ALDH1A3: variants seen among roughly 807,000 people sequenced by gnomAD.
The protein encoded by ALDH1A3 is aldehyde dehydrogenase 1 family member A3, also known as retinaldehyde dehydrogenase 3.
Under a neutral mutation model 57.5 loss-of-function variants are expected in ALDH1A3, and 28 were observed. The ratio of observed to expected loss-of-function variants is 0.49; its 90% CI spans 0.36 to 0.67. The LOEUF (loss-of-function observed/expected upper bound fraction) is 0.67. Ranked by LOEUF, ALDH1A3 falls within the 30% of genes least tolerant of loss-of-function variation. The pLI is 0.00. For missense variants in ALDH1A3, 507 were observed against 669.4 expected (o/e 0.76, Z 2.68); for synonymous variants, 281 against 264.8 (o/e 1.06, Z -0.59).
rs1016363724 is a variant in ALDH1A3 at position 100,905,557 on chromosome 15, T to C, written c.1103T>C (p.Leu368Pro). ...DQKQFDKILELIESGKKEGAK... is the reference protein window; with the variant it reads ...DQKQFDKILEPIESGKKEGAK... The stretch of plus-strand genomic sequence containing the variant: ...AAGCAGTTCGACAAAATCTTAGAGC[T>C]GATCGAGAGTGGGAAGAAGGAAGGG... The change falls in exon 10 of 13, where the codon CTG (leucine) becomes CCG (proline). Residue 368 changes from leucine to proline, a missense_variant. Leu to Pro is a moderately conservative substitution (Grantham distance 98). This residue lies in a region of ALDH1A3 where 432 missense variants were observed against 608.4 expected (regional missense o/e 0.71). Transcript: ENST00000329841. The C allele has an allele frequency of 6.2e-7, 1 of 1,614,006 alleles. No homozygotes were observed. The highest frequency in any genetic ancestry group is 1.3e-5 in the African/African-American group (1 of 74,908).
intron 3 of ALDH1A3, chr15:100,892,139 C>G (rs2041656312): frequency 4.5e-6 from 1 of 224,376 alleles, no homozygotes; most frequent in Non-Finnish European, 8.7e-6. Context: ...CACAAGCACA[C>G]ACGACTGGCC....
chr15:100,900,702 T>A lies in ALDH1A3; in HGVS notation c.1011T>A (p.Tyr337Ter). 1 of 1,614,078 alleles carries A rather than the reference T, an allele frequency of 6.2e-7. No homozygotes were observed. Among genetic ancestry groups the A allele is most frequent in the South Asian group, 1.1e-5 (1 of 91,066 alleles). ...YSEFVRRSVEYAKKRPVGDPF... is the reference protein window; with the variant it reads ...YSEFVRRSVE Reference sequence around the variant, plus strand: ...AGTTTGTCAGGCGGAGCGTGGAGTATGCCAAGAAACGGCCCGTGGGAGACC... The same window carrying A: ...AGTTTGTCAGGCGGAGCGTGGAGTAAGCCAAGAAACGGCCCGTGGGAGACC... The change falls in exon 9 of 13, where the codon TAT becomes TAA. Residue 337 changes from tyrosine to a stop codon, truncating the protein, a stop_gained. Coordinates refer to ENST00000329841, the MANE Select transcript of ALDH1A3 (RefSeq NM_000693.4). LOFTEE classifies it high-confidence loss of function.
intron 12 of ALDH1A3, chr15:100,914,500 T>A: frequency 2.0e-6 from 1 of 507,126 alleles, no homozygotes; most frequent in Non-Finnish European, 3.6e-6. Context: ...GACCTTGATA[T>A]TTACATTTAA....
At chr15:100,883,220 T>G (rs1304063826) in intron 1 of ALDH1A3, among the ~76,000 whole-genome samples, 2 of 152,148 alleles carry the variant, frequency 1.3e-5, no homozygotes, top group Admixed American at 1.3e-4. Context: ...ACTGACAGTC[T>G]CTATTATCTA....
intron 9 of ALDH1A3, 100 bp downstream of exon 9, chr15:100,900,859 T>A: frequency 7.7e-7 from 1 of 1,303,150 alleles, no homozygotes; most frequent in Admixed American, 2.2e-5. Context: ...GTGAAAGGAA[T>A]GCTGACCTGT....
chr15:100,901,665 G>A (rs567858553), intron 9 of ALDH1A3, among the ~76,000 whole-genome samples: 2 of 152,316 alleles, frequency 1.3e-5, no homozygotes. Flanking sequence ...TGAATATTAT[G>A]AGAATTTCAT....
chr15:100,913,654 A>T (rs568375956), intron 12 of ALDH1A3: 15 of 152,354 alleles, frequency 9.8e-5, no homozygotes, highest in Admixed American at 7.8e-4. Context: ...AGCCCAACAT[A>T]TTCACAGGTT....
Position 100,889,729 on chromosome 15 carries a change from A to G in ALDH1A3, c.345+2017A>G, listed in dbSNP as rs2041630586. Among the ~76,000 whole-genome samples the G allele has an allele frequency of 6.6e-6, 1 of 152,134 alleles. No individual in the cohort carries two copies. The highest frequency in any genetic ancestry group is 1.5e-5 in the Non-Finnish European group (1 of 68,018). On this transcript the variant is annotated intron_variant, in intron 3 of 12. Transcript: ENST00000329841. The surrounding 1 kb of genome is among the most constrained non-coding windows in gnomAD (Gnocchi z 5.1). ...CAGGCTGCCCCATTGTCCTGGCACG[A>G]CTGTGTTTTGATAGCAGACAGCTTT...
At chr15:100,901,452 C>T (rs911371139) in intron 9 of ALDH1A3, among the ~76,000 whole-genome samples, 3 of 152,170 alleles carry the variant, frequency 2.0e-5, no homozygotes, top group African/African-American at 7.2e-5. Context: ...CCTGCCCCAG[C>T]CATGAAATTT....
At chr15:100,880,247 GCGCCCGCGCGGGGCCGGGC>G (rs2041533196) in intron 1 of ALDH1A3, 3 of 390,814 alleles carry the variant, frequency 7.7e-6, no homozygotes, top group African/African-American at 2.1e-5. Flanking sequence ...AGGCCGTCCA[GCGCCCGCGCGGGGCCGGGC>G]CGCCCGCATC....
intron 3 of ALDH1A3, chr15:100,888,510 A>C (rs2041619001): frequency 6.6e-6 from 1 of 152,216 alleles, no homozygotes; most frequent in African/African-American, 2.4e-5. Flanking sequence ...ACTTACCAAA[A>C]TAAATGCCAC....
chr15:100,888,082 C>G lies in ALDH1A3; in HGVS notation c.345+370C>G, dbSNP rs148808594. Among the ~76,000 whole-genome samples the G allele has an allele frequency of 1.7e-3, 253 of 152,144 alleles. 2 individuals carry two copies. The highest frequency in any genetic ancestry group is 5.8e-3 in the African/African-American group (241 of 41,508). On this transcript the variant is annotated intron_variant, in intron 3 of 12. Coordinates refer to ENST00000329841, the MANE Select transcript of ALDH1A3 (RefSeq NM_000693.4). ...TTAACTTTTTTCTTTTTTGTATAAA[C>G]TTCCTTTTATTTATTTTATTTTATT...
intron 1 of ALDH1A3, among the ~76,000 whole-genome samples, chr15:100,884,657 C>T (rs1444033375): frequency 1.3e-5 from 2 of 150,704 alleles, no homozygotes; most frequent in South Asian, 2.1e-4. Flanking sequence ...GGTAAACATG[C>T]GCCATGGTGG....
intron 3 of ALDH1A3, chr15:100,888,405 A>T (rs1000337993): frequency 2.0e-5 from 3 of 152,218 alleles, no homozygotes. Context: ...CACTGCACCC[A>T]GCCTTAACTC....
At chr15:100,892,455 C>T (rs1229686246) in intron 3 of ALDH1A3, 55 bp from the exon 4 acceptor site, 2 of 1,607,944 alleles carry the variant, frequency 1.2e-6, no homozygotes, top group Non-Finnish European at 8.5e-7. Flanking sequence ...AACAACCTGA[C>T]AGTGCAAAAG....
rs539953788 is a variant in ALDH1A3, at chr15:100,914,666, C to A, written c.1467-35C>A. On this transcript the variant is annotated intron_variant, in intron 12 of 12. Coordinates refer to ENST00000329841, the MANE Select transcript of ALDH1A3 (RefSeq NM_000693.4). The stretch of plus-strand genomic sequence containing the variant: ...TTCTACACAATGGCTAAGGGATGTA[C>A]CCATTTTGAATTTTCCTCTTTTCTG... 1.1e-5 allele frequency: 17 copies of A among 1,593,438 alleles called. No individual in the cohort carries two copies. The East Asian group carries it at 3.6e-4, about 33-fold the overall frequency.
Position 100,905,645 on chromosome 15 carries a change from C to T in ALDH1A3, c.1191C>T (p.Val397=). The change falls in exon 10 of 13, where the codon GTC becomes GTT. Residue 397 remains valine, a synonymous_variant. Coordinates refer to ENST00000329841, the MANE Select transcript of ALDH1A3 (RefSeq NM_000693.4). ...EDKGLFIKPT[V]FSEVTDNMRI... ...AGGGGCTCTTCATCAAACCCACTGTCTTCTCAGAAGTCACAGACAACATGC... is the reference window on the plus strand; with the variant it reads ...AGGGGCTCTTCATCAAACCCACTGTTTTCTCAGAAGTCACAGACAACATGC... 6.2e-7 allele frequency: 1 copy of T among 1,608,696 alleles called. No homozygotes were observed. The highest frequency in any genetic ancestry group is 8.5e-7 in the Non-Finnish European group (1 of 1,177,332).
intron 10 of ALDH1A3, 97 bp from the exon 11 acceptor site, chr15:100,907,024 G>A (rs964188359): frequency 7.3e-7 from 1 of 1,376,814 alleles, no homozygotes; most frequent in Non-Finnish European, 1.0e-6. Flanking sequence ...TGTGCTCTGG[G>A]CATATGAAAA....
intron 12 of ALDH1A3, among the ~76,000 whole-genome samples, chr15:100,911,729 G>A (rs1466576943): frequency 1.3e-5 from 2 of 152,156 alleles, no homozygotes; most frequent in Admixed American, 6.5e-5. Context: ...ATGTCCCACT[G>A]GGTTGAATAA....
Sources: gnomAD v4.1 joint callset for allele counts (sites outside exome capture counted in the v4.1 genomes callset) on GRCh38, gnomAD v4.1.1 for gene constraint, gnomAD v4.1.1 regional missense constraint, Gnocchi (gnomAD v3.1) non-coding constraint, MANE v1.5 for transcripts, NCBI Gene and HGNC (gene_info 2026-07-23, HGNC 2026-07-21) for gene names.